The following SMPDL3B variants were observed in gnomAD, a reference collection of about 807,000 sequenced individuals.
SMPDL3B encodes the protein acid sphingomyelinase-like phosphodiesterase 3b.
Under a neutral mutation model 37.9 loss-of-function variants are expected in SMPDL3B, and 31 were observed. That is an observed-to-expected ratio of 0.82 (90% CI 0.61 to 1.10). SMPDL3B has a LOEUF of 1.10. SMPDL3B is among the 50% of genes least tolerant of loss of function. SMPDL3B has a pLI of 0.00. For missense variants in SMPDL3B, 525 were observed against 597.8 expected, an observed-to-expected ratio of 0.88 and a Z score of 1.27; for synonymous variants, 235 against 242.6, an observed-to-expected ratio of 0.97 and a Z score of 0.29.
At chr1:27,952,930 C>T (rs2090465813) in intron 3 of SMPDL3B, among the ~76,000 whole-genome samples, 1 of 152,156 alleles carries the variant, frequency 6.6e-6, no homozygotes, top group South Asian at 2.1e-4. Flanking sequence ...CTCATTTAGA[C>T]CTAGTTTTCC....
At chr1:27,955,607 T>G in intron 5 of SMPDL3B, 77 bp from the exon 6 acceptor site, 2 of 1,436,080 alleles carry the variant, frequency 1.4e-6, no homozygotes, top group Admixed American at 3.8e-5. Context: ...TTGGGGCAAT[T>G]TGCAGGTTTT....
chr1:27,954,555 A>C, intron 5 of SMPDL3B, 29 bp downstream of exon 5: 2 of 1,605,078 alleles, frequency 1.2e-6, no homozygotes, highest in Non-Finnish European at 1.7e-6. Context: ...TTCTTTTCTC[A>C]TCTGGGGTTA....
chr1:27,947,574 C>T (rs1441357043), intron 2 of SMPDL3B, among the ~76,000 whole-genome samples: 7 of 141,078 alleles, frequency 5.0e-5, no homozygotes, highest in African/African-American at 8.2e-5. Context: ...GCCGAAATTG[C>T]GCCACTGCAC....
chr1:27,954,727 T>G (rs1465473837), intron 5 of SMPDL3B, among the ~76,000 whole-genome samples: 1 of 152,130 alleles, frequency 6.6e-6, no homozygotes, highest in African/African-American at 2.4e-5. Flanking sequence ...ATGAGGACCC[T>G]GAGGCTCATA....
intron 4 of SMPDL3B, 98 bp from the exon 5 acceptor site, chr1:27,954,256 T>C (rs2090478693): frequency 1.7e-6 from 2 of 1,149,526 alleles, no homozygotes; most frequent in Non-Finnish European, 1.2e-6. Context: ...GAGGGGAAGA[T>C]GCAACGGAAA....
intron 2 of SMPDL3B, among the ~76,000 whole-genome samples, chr1:27,947,316 G>A (rs978291880): frequency 9.2e-5 from 14 of 152,236 alleles, no homozygotes; most frequent in South Asian, 2.1e-4. Context: ...GATTGCAGGC[G>A]TGAGCCACTG....
chr1:27,957,633 A>C (rs565370643), intron 7 of SMPDL3B, among the ~76,000 whole-genome samples: 1 of 152,248 alleles, frequency 6.6e-6, no homozygotes, highest in East Asian at 1.9e-4. Flanking sequence ...GTAAAGGTAG[A>C]TTAAGAAGAG....
intron 7 of SMPDL3B, chr1:27,956,358 C>A: frequency 7.5e-7 from 1 of 1,337,222 alleles, no homozygotes; most frequent in Non-Finnish European, 9.9e-7. Context: ...GGCCCATCCG[C>A]TACACAAGAG....
Position 27,958,851 on chromosome 1 carries a change from A to T in SMPDL3B, c.*13A>T. The stretch of plus-strand genomic sequence containing the variant: ...GCTCGTGCTGTGACCTGCCAGGCTC[A>T]CCTTCTTCCTGGTAACGGGTAACGG... On this transcript the variant is annotated 3_prime_UTR_variant, in exon 8 of 8. Transcript: ENST00000373894. This position sits in a 1 kb window ranked among gnomAD's most constrained non-coding sequence, Gnocchi z 5.6. The T allele has an allele frequency of 6.4e-7, 1 of 1,562,262 alleles. No individual in the cohort carries two copies. The highest frequency in any genetic ancestry group is 1.1e-5 in the South Asian group (1 of 87,180).
chr1:27,942,149 G>A, intron 1 of SMPDL3B: 1 of 378,158 alleles, frequency 2.6e-6, no homozygotes, highest in South Asian at 2.1e-5. Flanking sequence ...AGGAGTTTCT[G>A]GAGTGGAGAA....
chr1:27,949,385 G>A (rs1368288442), intron 3 of SMPDL3B, among the ~76,000 whole-genome samples: 1 of 152,176 alleles, frequency 6.6e-6, no homozygotes, highest in Admixed American at 6.5e-5. Flanking sequence ...CCTATCAAAG[G>A]AAATGCCCAG....
At chr1:27,950,083 A>G (rs1307763651) in intron 3 of SMPDL3B, among the ~76,000 whole-genome samples, 1 of 152,152 alleles carries the variant, frequency 6.6e-6, no homozygotes, top group Admixed American at 6.6e-5. Context: ...TAAACTAGTG[A>G]AGGTCACATT....
chr1:27,956,082 G>A lies in SMPDL3B; in HGVS notation c.1005G>A (p.Lys335=), dbSNP rs752502061. The A allele has an allele frequency of 2.5e-6, 4 of 1,614,160 alleles. No homozygotes were observed. The highest frequency in any genetic ancestry group is 1.7e-5 in the Admixed American group (1 of 60,024). ...FEYDRATLSL[K]DMVTYFMNLS... ...ATGACCGAGCCACACTGAGCCTGAAGGTCAGGAGTCCTGCGGAGGCCAGAG... is the reference window on the plus strand; with the variant it reads ...ATGACCGAGCCACACTGAGCCTGAAAGTCAGGAGTCCTGCGGAGGCCAGAG... Residue 335 remains lysine, a splice_region_variant and synonymous_variant, in exon 7 of 8, where the codon AAG becomes AAA. Coordinates refer to ENST00000373894, the MANE Select transcript of SMPDL3B (RefSeq NM_014474.4).
intron 4 of SMPDL3B, 45 bp downstream of exon 4, chr1:27,953,403 AG>A: frequency 1.3e-6 from 2 of 1,538,456 alleles, no homozygotes; most frequent in Non-Finnish European, 8.8e-7. Flanking sequence ...ACTGTATGCC[AG>A]GGTCTGATCT....
In SMPDL3B at chr1:27,949,047, C is replaced by G. The variant is rs947729896; in HGVS notation, c.276-18C>G. Reference sequence around the variant, plus strand: ...TCCTGAGTTGCCTGCCCCAAATTGGCTTGGTGGTGTTTTGTAGTGATGACA... The same window carrying G: ...TCCTGAGTTGCCTGCCCCAAATTGGGTTGGTGGTGTTTTGTAGTGATGACA... On this transcript the variant is annotated intron_variant, in intron 2 of 7. Transcript: ENST00000373894. 2.5e-5 allele frequency: 41 copies of G among 1,614,020 alleles called. No individual in the cohort carries two copies. Among genetic ancestry groups the G allele is most frequent in the Non-Finnish European group, 3.3e-5 (39 of 1,179,992 alleles).
intron 5 of SMPDL3B, among the ~76,000 whole-genome samples, chr1:27,955,076 T>C (rs1444517642): frequency 1.3e-5 from 2 of 152,224 alleles, no homozygotes; most frequent in Non-Finnish European, 1.5e-5. Flanking sequence ...AGCAGAACTA[T>C]GGAAACCCCG....
intron 3 of SMPDL3B, among the ~76,000 whole-genome samples, chr1:27,950,768 T>G (rs1056264111): frequency 6.6e-6 from 1 of 152,220 alleles, no homozygotes; most frequent in Non-Finnish European, 1.5e-5. Flanking sequence ...GTAGCTGGAC[T>G]CTAGGCATCC....
intron 1 of SMPDL3B, among the ~76,000 whole-genome samples, chr1:27,942,944 G>A (rs2090373518): frequency 6.6e-6 from 1 of 150,438 alleles, no homozygotes; most frequent in Admixed American, 6.6e-5. Context: ...TTACAGGTGT[G>A]AGCCACTGTG....
chr1:27,953,835 G>A (rs2090475586), intron 4 of SMPDL3B, among the ~76,000 whole-genome samples: 1 of 152,238 alleles, frequency 6.6e-6, no homozygotes, highest in Non-Finnish European at 1.5e-5. Context: ...ACATTGCCCA[G>A]TGTTCTCTTG....
Sources: gnomAD v4.1 joint callset for allele counts (sites outside exome capture counted in the v4.1 genomes callset) on GRCh38, gnomAD v4.1.1 for gene constraint, Gnocchi (gnomAD v3.1) non-coding constraint, MANE v1.5 for transcripts, NCBI Gene and HGNC (gene_info 2026-07-23, HGNC 2026-07-21) for gene names.